CADM1: variants seen among roughly 807,000 people sequenced by gnomAD.
CADM1 encodes the protein cell adhesion molecule 1.
In CADM1, 15 loss-of-function variants were observed where a neutral mutation model predicts 53.1. That is an observed-to-expected ratio of 0.28 (90% confidence interval 0.19 to 0.44). The LOEUF is 0.44. Among genes scored for constraint, CADM1 ranks in the 20% least tolerant of loss-of-function variants. The pLI is 1.00. For synonymous variants in CADM1, 281 were observed against 243.0 expected (o/e 1.16, Z -1.45); for missense variants, 434 against 611.3 (o/e 0.71, Z 3.06).
At chr11:115,218,192 A>C in intron 5 of CADM1, 1 of 575,266 alleles carries the variant, frequency 1.7e-6, no homozygotes, top group East Asian at 3.1e-5. Context: ...TGAACCGCAA[A>C]TAGATAAGAG....
Position 115,172,769 on chromosome 11 carries a change from G to T in CADM1, c.*3705C>A, listed in dbSNP as rs1309334670. 3 of 121,032 alleles carry T rather than the reference G, an allele frequency of 2.5e-5. No individual in the cohort carries two copies. The highest frequency in any genetic ancestry group is 9.3e-5 in the African/African-American group (3 of 32,186). 7.5% of individuals were successfully genotyped at this position (121,032 alleles called of 1,614,324 possible). ...TTTTTTTTTTTTTTTAACAGAGACA[G>T]GTAAGAGACCAGGCCAGGATGGAAG... On this transcript the variant is annotated 3_prime_UTR_variant, in exon 12 of 12. Coordinates refer to ENST00000331581, the MANE Select transcript of CADM1 (RefSeq NM_001301043.2).
chr11:115,297,696 G>A lies in CADM1; in HGVS notation c.125-57276C>T, dbSNP rs118150118. Among the ~76,000 whole-genome samples the A allele has an allele frequency of 5.5e-3, 843 of 152,306 alleles. 1 individual carries two copies. Among genetic ancestry groups the A allele is most frequent in the Non-Finnish European group, 9.6e-3 (650 of 68,032 alleles). ...ATATATGTTCAATAGATTATCCTAT[G>A]TGATCCAATGCATCCCTAAGGGCCA... On this transcript the variant is annotated intron_variant, in intron 1 of 11. Transcript: ENST00000331581.
intron 5 of CADM1, among the ~76,000 whole-genome samples, chr11:115,219,796 T>C (rs1179649568): frequency 6.6e-6 from 1 of 152,134 alleles, no homozygotes; most frequent in Non-Finnish European, 1.5e-5. Flanking sequence ...GTTTATTGTT[T>C]GTAGTCGTGT....
intron 1 of CADM1, among the ~76,000 whole-genome samples, chr11:115,275,177 C>A (rs1437705187): frequency 3.3e-5 from 5 of 152,206 alleles, no homozygotes; most frequent in Non-Finnish European, 7.3e-5. Context: ...CCCGTGGGAG[C>A]CACATACAGT....
chr11:115,397,095 G>A (rs904643646), intron 1 of CADM1: 6 of 152,028 alleles, frequency 3.9e-5, no homozygotes, highest in Admixed American at 3.9e-4. Flanking sequence ...CATGAATTTA[G>A]GTTGATGCAT....
chr11:115,229,415 G>A lies in CADM1; in HGVS notation c.563-144C>T, dbSNP rs184730892. 279 of 757,880 alleles carry A rather than the reference G, an allele frequency of 3.7e-4. No individual in the cohort carries two copies. In the African/African-American group the frequency reaches 4.2e-3, roughly 11 times the overall value. 46.9% of individuals were successfully genotyped at this position (757,880 alleles called of 1,614,324 possible). ...GTTACTTGGGATGAGAGTAACCTGT[G>A]GATAGTTACCTGATAAAGTTTTTAT... On this transcript the variant is annotated intron_variant, in intron 4 of 11. Transcript: ENST00000331581.
At chr11:115,196,203 C>T (rs974830512) in intron 9 of CADM1, among the ~76,000 whole-genome samples, 13 of 152,074 alleles carry the variant, frequency 8.5e-5, no homozygotes, top group African/African-American at 3.1e-4. Context: ...CTTCCTTATA[C>T]CACAAAAAGA....
chr11:115,455,681 T>TTTTTG (rs1292369611), intron 1 of CADM1, among the ~76,000 whole-genome samples: 1 of 152,100 alleles, frequency 6.6e-6, no homozygotes, highest in Non-Finnish European at 1.5e-5. Context: ...TTAAAATAAC[T>TTTTTG]TCCCTACAAA....
chr11:115,492,998 C>G (rs1382755700), intron 1 of CADM1, among the ~76,000 whole-genome samples: 2 of 151,570 alleles, frequency 1.3e-5, no homozygotes, highest in Non-Finnish European at 2.9e-5. Context: ...GAAACAATGA[C>G]AAGTCAGTAG....
chr11:115,388,570 G>A (rs1565401040), intron 1 of CADM1, among the ~76,000 whole-genome samples: 1 of 151,682 alleles, frequency 6.6e-6, no homozygotes, highest in African/African-American at 2.4e-5. Context: ...AGGGTAGAAG[G>A]ACATTGGGTA....
intron 1 of CADM1, among the ~76,000 whole-genome samples, chr11:115,328,419 AT>A (rs1945015723): frequency 6.6e-6 from 1 of 151,734 alleles, no homozygotes; most frequent in Admixed American, 6.6e-5. Flanking sequence ...ATGAAATTAC[AT>A]TTTCCAAGTG....
rs140656381 is a variant in CADM1, at chr11:115,393,619, TA to T, written c.124+110651del. ...ACAGAATGCATTCTTATTCCCCTAT[TA>T]AAAAAAAATCCACAGCTCTGAATAA... On this transcript the variant is annotated intron_variant, in intron 1 of 11. Transcript: ENST00000331581. 8.6e-5 allele frequency among the ~76,000 whole-genome samples: 13 copies of T among 150,710 alleles called. No homozygotes were observed. The South Asian group carries it at 1.3e-3, about 15-fold the overall frequency.
intron 3 of CADM1, among the ~76,000 whole-genome samples, chr11:115,232,634 A>G (rs992349504): frequency 3.9e-5 from 6 of 152,354 alleles, no homozygotes; most frequent in African/African-American, 1.4e-4. Flanking sequence ...AATCAAGAGT[A>G]TGTAGTGTGA....
In CADM1 at chr11:115,175,855, G is replaced by T. The variant is rs1939002609; in HGVS notation, c.*619C>A. On this transcript the variant is annotated 3_prime_UTR_variant, in exon 12 of 12. Coordinates refer to ENST00000331581, the MANE Select transcript of CADM1 (RefSeq NM_001301043.2). The stretch of plus-strand genomic sequence containing the variant: ...TATTTGAAACATGGGCAGCAGCAAA[G>T]AGTTTTCATTGTTTGTTCACCCAAA... 8 of 994,394 alleles carry T rather than the reference G, an allele frequency of 8.0e-6. No homozygotes were observed. The highest frequency in any genetic ancestry group is 9.6e-6 in the Non-Finnish European group (8 of 835,136). The allele number at this position is 994,394 out of a possible 1,614,324, so 61.6% of individuals were successfully genotyped here.
chr11:115,389,894 C>T (rs1446799049), intron 1 of CADM1, among the ~76,000 whole-genome samples: 1 of 152,028 alleles, frequency 6.6e-6, no homozygotes. Context: ...TCAGGAACAC[C>T]TGTTATGTAA....
intron 8 of CADM1, among the ~76,000 whole-genome samples, chr11:115,204,110 C>T (rs1476230854): frequency 6.6e-6 from 1 of 152,150 alleles, no homozygotes; most frequent in African/African-American, 2.4e-5. Context: ...ATTTAGTAAA[C>T]ATTCTAGGAT....
At chr11:115,240,101 G>T (rs1942170961) in intron 2 of CADM1, among the ~76,000 whole-genome samples, 173 bp downstream of exon 2, 1 of 152,082 alleles carries the variant, frequency 6.6e-6, no homozygotes, top group African/African-American at 2.4e-5. Context: ...GCCATTCAAG[G>T]TTTCTATTAA....
At chr11:115,264,666 T>C (rs1388837691) in intron 1 of CADM1, among the ~76,000 whole-genome samples, 2 of 152,254 alleles carry the variant, frequency 1.3e-5, no homozygotes, top group Non-Finnish European at 2.9e-5. Flanking sequence ...ATAAGCTTTG[T>C]GACCTTGAGT....
intron 1 of CADM1, among the ~76,000 whole-genome samples, chr11:115,423,979 C>T (rs1565420030): frequency 6.6e-6 from 1 of 152,184 alleles, no homozygotes; most frequent in Admixed American, 6.5e-5. Flanking sequence ...TCGTTTCCAT[C>T]TTGTTTGCTC....
Sources: gnomAD v4.1 joint callset for allele counts (sites outside exome capture counted in the v4.1 genomes callset) on GRCh38, gnomAD v4.1.1 for gene constraint, MANE v1.5 for transcripts, NCBI Gene and HGNC (gene_info 2026-07-23, HGNC 2026-07-21) for gene names.